USP10: variants seen among roughly 807,000 people sequenced by gnomAD.
USP10 encodes ubiquitin specific peptidase 10, also known as ubiquitin carboxyl-terminal hydrolase 10.
USP10 carries 22 observed loss-of-function variants against 84.5 expected under a neutral mutation model. The observed-to-expected ratio is 0.26, with a 90% CI of 0.19 to 0.37. USP10 has a LOEUF of 0.37. Among genes scored for constraint, USP10 ranks in the 10% least tolerant of loss-of-function variants. USP10 has a pLI of 1.00. For missense variants in USP10, 1,019 were observed against 998.9 expected (o/e 1.02, Z -0.27); for synonymous variants, 454 against 387.6 (o/e 1.17, Z -2.01).
At position 84,773,628 on chromosome 16, in the gene USP10, C is replaced by T. The variant is rs115256415; in HGVS notation, c.2143+943C>T. On this transcript the variant is annotated intron_variant, in intron 12 of 13. Transcript: ENST00000219473. ...TGGCTGCTGTGCCGGGTTTAGTGTC[C>T]GTTGCTCCTCTCACACTTCTAGCTG... is the stretch of plus-strand genomic sequence containing the variant. 5.3e-3 allele frequency among the ~76,000 whole-genome samples: 810 copies of T among 152,306 alleles called. 3 individuals carry two copies. Among genetic ancestry groups the T allele is most frequent in the African/African-American group, 0.018 (754 of 41,548 alleles).
chr16:84,706,453 G>A lies in USP10; in HGVS notation c.21+6342G>A, dbSNP rs191706468. Among the ~76,000 whole-genome samples the A allele has an allele frequency of 2.4e-3, 365 of 149,728 alleles. 2 individuals carry two copies. The highest frequency in any genetic ancestry group is 7.5e-3 in the African/African-American group (308 of 41,014). The stretch of plus-strand genomic sequence containing the variant: ...TATTTTAAGTAATAATTTCCCTTAC[G>A]TGGCTGCAAAGACTATATATATATT... On this transcript the variant is annotated intron_variant, in intron 1 of 13. Coordinates refer to ENST00000219473, the MANE Select transcript of USP10 (RefSeq NM_005153.3).
chr16:84,775,270 G>T, intron 13 of USP10, 45 bp downstream of exon 13: 1 of 1,589,578 alleles, frequency 6.3e-7, no homozygotes, highest in Non-Finnish European at 8.6e-7. Flanking sequence ...AAACACTGAT[G>T]AAGGGGTTTA....
chr16:84,704,100 A>G (rs1905201792), intron 1 of USP10, among the ~76,000 whole-genome samples: 1 of 152,232 alleles, frequency 6.6e-6, no homozygotes. Context: ...ACATTCAAGT[A>G]ATTGAGAAAA....
intron 4 of USP10, among the ~76,000 whole-genome samples, chr16:84,754,087 G>C (rs1016876133): frequency 6.6e-6 from 1 of 152,118 alleles, no homozygotes; most frequent in African/African-American, 2.4e-5. Flanking sequence ...TGAGAGTCTT[G>C]TCTTTAAGGA....
intron 1 of USP10, among the ~76,000 whole-genome samples, chr16:84,702,029 G>T (rs908691394): frequency 2.8e-5 from 2 of 71,308 alleles, no homozygotes; most frequent in Non-Finnish European, 5.6e-5. Context: ...TATTTATTTT[G>T]AGATGGAGTT....
intron 4 of USP10, among the ~76,000 whole-genome samples, chr16:84,757,405 GTGT>G (rs1912705937): frequency 2.5e-5 from 1 of 39,700 alleles, no homozygotes; most frequent in Non-Finnish European, 7.3e-5. Flanking sequence ...GGGTGGGGGT[GTGT>G]GTGTGTGTGT....
rs1421058511 is a variant in USP10, at chr16:84,700,146, C to T, written c.21+35C>T. 1.9e-5 allele frequency: 24 copies of T among 1,261,056 alleles called. No homozygotes were observed. In the Admixed American group the frequency reaches 5.9e-4, roughly 31 times the overall value. The allele number at this position is 1,261,056 out of a possible 1,614,324, so 78.1% of individuals were successfully genotyped here. A position where few individuals can be genotyped will look rare whatever the true frequency, so the allele number is the denominator to read the frequency against. ...GGTCTGCGCCTTCGGCCGGAAGGGG[C>T]CCGAGCCCCGGGCGGGCGGACGCCG... On this transcript the variant is annotated intron_variant, in intron 1 of 13. Transcript: ENST00000219473.
At position 84,744,891 on chromosome 16, in the gene USP10, A is replaced by G; in HGVS notation, c.410A>G (p.Asn137Ser). ...SSNVEAEVLE[N>S]DGVSGGLGQR... ...AATGTGGAGGCGGAAGTTTTGGAAA[A>G]TGATGGTGTCTCAGGTGGTCTTGGA... The change falls in exon 4 of 14, where the codon AAT (asparagine) becomes AGT (serine). Residue 137 changes from asparagine to serine, a missense_variant. Physicochemically the swap from Asn to Ser is conservative, Grantham distance 46. Around this residue, in one of 2 missense-constraint regions of USP10, gnomAD observed 787 missense variants for 708.8 expected, o/e 1.11. Coordinates refer to ENST00000219473, the MANE Select transcript of USP10 (RefSeq NM_005153.3). The G allele has an allele frequency of 2.5e-6, 4 of 1,612,602 alleles. No homozygotes were observed. Among genetic ancestry groups the G allele is most frequent in the Non-Finnish European group, 2.5e-6 (3 of 1,179,282 alleles).
At chr16:84,766,518 G>A (rs2641695) in intron 10 of USP10, among the ~76,000 whole-genome samples, 152,002 of 152,378 alleles carry the variant, frequency 1, 75,816 homozygotes, top group East Asian at 1. Context: ...GGATTGTGAG[G>A]ACACCCCCTC....
rs557883673 is a variant in USP10, at chr16:84,744,702, C to T, written c.221C>T (p.Thr74Ile). 12 of 1,613,632 alleles carry T rather than the reference C, an allele frequency of 7.4e-6. No individual in the cohort carries two copies. In the East Asian group the frequency reaches 8.9e-5, roughly 12 times the overall value. The change falls in exon 4 of 14, where the codon ACC becomes ATC. Residue 74 changes from threonine (T) to isoleucine (I), a missense_variant. Transcript: ENST00000219473. ...VIEPSDTLPRTPSYSISSTLN... is the reference protein window; with the variant it reads ...VIEPSDTLPRIPSYSISSTLN... ...GAACCCAGTGACACTTTGCCGAGAA[C>T]CCCCAGCTACAGTATTTCAAGCACA...
At chr16:84,717,673 T>C (rs1165983886) in intron 1 of USP10, among the ~76,000 whole-genome samples, 1 of 152,134 alleles carries the variant, frequency 6.6e-6, no homozygotes, top group Non-Finnish European at 1.5e-5. Context: ...GGTGGAGTCA[T>C]CAGGGCCTGT....
At position 84,753,656 on chromosome 16, in the gene USP10, G is replaced by A. The variant is rs754004519; in HGVS notation, c.1193-5060G>A. Among the ~76,000 whole-genome samples, 3 of 152,174 alleles carry A rather than the reference G, an allele frequency of 2.0e-5. No individual in the cohort carries two copies. In the South Asian group the frequency reaches 6.2e-4, roughly 31 times the overall value. On this transcript the variant is annotated intron_variant, in intron 4 of 13. Coordinates refer to ENST00000219473, the MANE Select transcript of USP10 (RefSeq NM_005153.3). ...CCTGGGCCCTTGCCCTTTACTGTGCGTCTTCTCAGGAGCTGTCATTTAGAC... is the reference window on the plus strand; with the variant it reads ...CCTGGGCCCTTGCCCTTTACTGTGCATCTTCTCAGGAGCTGTCATTTAGAC...
At chr16:84,727,061 CAG>C (rs929580320) in intron 1 of USP10, among the ~76,000 whole-genome samples, 1 of 152,220 alleles carries the variant, frequency 6.6e-6, no homozygotes, top group African/African-American at 2.4e-5. Context: ...GCATGGCTGA[CAG>C]GGCCTCCAGG....
At chr16:84,751,716 A>G (rs1911959933) in intron 4 of USP10, among the ~76,000 whole-genome samples, 1 of 152,208 alleles carries the variant, frequency 6.6e-6, no homozygotes, top group African/African-American at 2.4e-5. Context: ...CACTTGGAGA[A>G]TGTTCTGGAC....
chr16:84,716,576 A>G (rs754564761), intron 1 of USP10: 12 of 152,176 alleles, frequency 7.9e-5, no homozygotes, highest in Non-Finnish European at 1.3e-4. Context: ...GGGTTTAGAA[A>G]CACTTCCTGA....
chr16:84,712,499 G>A (rs1906444398), intron 1 of USP10, among the ~76,000 whole-genome samples: 1 of 152,210 alleles, frequency 6.6e-6, no homozygotes, highest in African/African-American at 2.4e-5. Context: ...ACCAGTTGAA[G>A]CAAACAGAGA....
intron 1 of USP10, among the ~76,000 whole-genome samples, chr16:84,710,808 A>T (rs1416474413): frequency 6.6e-6 from 1 of 152,160 alleles, no homozygotes; most frequent in Non-Finnish European, 1.5e-5. Context: ...CTGAGTAAGG[A>T]TCCCTGTGAG....
intron 1 of USP10, among the ~76,000 whole-genome samples, chr16:84,700,678 T>G (rs1000929898): frequency 7.2e-5 from 11 of 152,312 alleles, no homozygotes; most frequent in African/African-American, 2.4e-4. Context: ...GGGCTGCTGT[T>G]GCAAAGAAAA....
intron 4 of USP10, among the ~76,000 whole-genome samples, chr16:84,749,243 C>T (rs1324891897): frequency 1.3e-5 from 2 of 152,130 alleles, no homozygotes; most frequent in African/African-American, 2.4e-5. Context: ...AAGTCAGATC[C>T]ACTACCACAA....
Sources: allele counts gnomAD v4.1 joint callset (sites outside exome capture counted in the v4.1 genomes callset), GRCh38; gene constraint gnomAD v4.1.1; regional missense constraint gnomAD v4.1.1; transcripts MANE v1.5; gene names NCBI Gene and HGNC (gene_info 2026-07-23, HGNC 2026-07-21).